Variants in PPP1R13B observed in about 807,000 individuals in gnomAD.
The protein encoded by PPP1R13B is apoptosis-stimulating of p53 protein 1.
PPP1R13B carries 44 observed loss-of-function variants against 119.8 expected under a neutral mutation model. That is an observed-to-expected ratio of 0.37 (90% CI 0.29 to 0.47). PPP1R13B has a LOEUF of 0.47. PPP1R13B is among the 20% of genes least tolerant of loss of function. The probability of loss-of-function intolerance (pLI) is 0.99; values close to 1 mark genes in which losing one functional copy is unlikely to be tolerated. For synonymous variants in PPP1R13B, 542 were observed against 561.5 expected (o/e 0.97, Z 0.49); for missense variants, 1,227 against 1,413.5 (o/e 0.87, Z 2.12).
intron 1 of PPP1R13B, 21 bp from the exon 2 acceptor site, chr14:103,797,539 G>A (rs1164810392): frequency 1.3e-6 from 2 of 1,597,432 alleles, no homozygotes; most frequent in South Asian, 2.2e-5. Flanking sequence ...AAAGAGTAAA[G>A]CTGTAATTTA....
chr14:103,814,754 G>A (rs1359143891), intron 1 of PPP1R13B, among the ~76,000 whole-genome samples: 1 of 152,066 alleles, frequency 6.6e-6, no homozygotes, highest in East Asian at 1.9e-4. Flanking sequence ...GACCATCCTG[G>A]CTAACACAGT....
intron 4 of PPP1R13B, among the ~76,000 whole-genome samples, chr14:103,775,024 A>C (rs1205455599): frequency 6.6e-6 from 1 of 152,168 alleles, no homozygotes; most frequent in Admixed American, 6.6e-5. Flanking sequence ...TGATCTTGAA[A>C]TATACACATT....
intron 4 of PPP1R13B, among the ~76,000 whole-genome samples, chr14:103,777,221 G>A (rs911905352): frequency 3.9e-5 from 6 of 152,064 alleles, no homozygotes; most frequent in African/African-American, 1.4e-4. Flanking sequence ...TCGAACTCCT[G>A]ACCTCAGGTG....
At chr14:103,804,299 C>A (rs2085968780) in intron 1 of PPP1R13B, among the ~76,000 whole-genome samples, 2 of 152,146 alleles carry the variant, frequency 1.3e-5, no homozygotes, top group Non-Finnish European at 2.9e-5. Flanking sequence ...CAACTGAAAT[C>A]AAATAATCAC....
chr14:103,740,471 GCT>G lies in PPP1R13B; in HGVS notation c.1943_1944del (p.Glu648AlafsTer2), dbSNP rs1429386157. On this transcript the variant is annotated frameshift_variant, in exon 12 of 17. Transcript: ENST00000202556. LOFTEE classifies it high-confidence loss of function. This position sits in a 1 kb window ranked among gnomAD's most constrained non-coding sequence, Gnocchi z 4.6. ...GGGGCGGCGGGGCCATCCTGCTCAG[GCT>G]CTTTCTCAGTACTTTCTGAAGGTGG... ...PQPPSESTEK[E>X]PEQDGPAAPA... 6.2e-7 allele frequency: 1 copy of G among 1,609,782 alleles called. No individual in the cohort carries two copies. The highest frequency in any genetic ancestry group is 1.7e-5 in the Admixed American group (1 of 59,736).
chr14:103,820,835 C>G (rs1049690520), intron 1 of PPP1R13B, among the ~76,000 whole-genome samples: 6 of 151,916 alleles, frequency 3.9e-5, no homozygotes, highest in Non-Finnish European at 8.8e-5. Context: ...TTAGAAGCTG[C>G]AAACTTAAAA....
chr14:103,843,127 T>C (rs1315831476), intron 1 of PPP1R13B, among the ~76,000 whole-genome samples: 1 of 151,994 alleles, frequency 6.6e-6, no homozygotes, highest in Admixed American at 6.6e-5. Context: ...ATCCCAGCAC[T>C]TTGGGAAGTT....
At chr14:103,835,001 T>C (rs2086741615) in intron 1 of PPP1R13B, among the ~76,000 whole-genome samples, 1 of 152,254 alleles carries the variant, frequency 6.6e-6, no homozygotes, top group African/African-American at 2.4e-5. Context: ...ACAAGCATTC[T>C]GCTTCAGAGT....
chr14:103,830,496 C>T (rs2086643104), intron 1 of PPP1R13B, among the ~76,000 whole-genome samples: 1 of 152,102 alleles, frequency 6.6e-6, no homozygotes, highest in South Asian at 2.1e-4. Flanking sequence ...GAAACTGAGA[C>T]GCAGAGAAAT....
At chr14:103,760,782 A>T (rs2084785844) in intron 4 of PPP1R13B, among the ~76,000 whole-genome samples, 1 of 152,146 alleles carries the variant, frequency 6.6e-6, no homozygotes, top group African/African-American at 2.4e-5. Flanking sequence ...ACCCCGCCTC[A>T]GGTCTAGCTA....
Position 103,738,499 on chromosome 14 carries a change from G to T in PPP1R13B, c.2864+180C>A. On this transcript the variant is annotated intron_variant, in intron 14 of 16. Coordinates refer to ENST00000202556, the MANE Select transcript of PPP1R13B (RefSeq NM_015316.3). The surrounding 1 kb of genome is among the most constrained non-coding windows in gnomAD (Gnocchi z 5.6). ...CACGTTTTTAACAAAATCATCAAGA[G>T]AAAAGGCTGGAAAAAAAGGCAAGGA... The T allele has an allele frequency of 1.1e-6, 1 of 942,552 alleles. No homozygotes were observed. Among genetic ancestry groups the T allele is most frequent in the Non-Finnish European group, 1.6e-6 (1 of 642,572 alleles). 58.4% of individuals were successfully genotyped at this position (942,552 alleles called of 1,614,324 possible).
Position 103,742,987 on chromosome 14 carries a change from C to T in PPP1R13B, c.1151-164G>A. 2 of 729,714 alleles carry T rather than the reference C, an allele frequency of 2.7e-6. No individual in the cohort carries two copies. Among genetic ancestry groups the T allele is most frequent in the Non-Finnish European group, 4.5e-6 (2 of 448,160 alleles). The allele number at this position is 729,714 out of a possible 1,614,324, so 45.2% of individuals were successfully genotyped here. A position where few individuals can be genotyped will look rare whatever the true frequency, so the allele number is the denominator to read the frequency against. On this transcript the variant is annotated intron_variant, in intron 9 of 16. Coordinates refer to ENST00000202556, the MANE Select transcript of PPP1R13B (RefSeq NM_015316.3). The surrounding 1 kb of genome is among the most constrained non-coding windows in gnomAD (Gnocchi z 4.9). ...CAGCCACATGCACAACTGCTGATCT[C>T]CTCCAGCACCCACAGACCCGTGCAC... is the stretch of plus-strand genomic sequence containing the variant.
intron 2 of PPP1R13B, among the ~76,000 whole-genome samples, chr14:103,791,033 G>A (rs940140521): frequency 1.3e-5 from 2 of 152,066 alleles, no homozygotes; most frequent in Non-Finnish European, 2.9e-5. Context: ...GTAATTTACT[G>A]TTCCATTCCT....
rs75410365 is a variant in PPP1R13B, at chr14:103,741,187, A to C, written c.1823-594T>G. The stretch of plus-strand genomic sequence containing the variant: ...AGCCAATGCCCAGGAATGTCTAAGA[A>C]GGCCCTAGCCTAGACCTGACCCGCG... On this transcript the variant is annotated intron_variant, in intron 11 of 16. Coordinates refer to ENST00000202556, the MANE Select transcript of PPP1R13B (RefSeq NM_015316.3). Among the ~76,000 whole-genome samples the C allele has an allele frequency of 1.6e-3, 249 of 152,344 alleles. 5 individuals carry two copies. The East Asian group carries it at 0.039, about 24-fold the overall frequency.
intron 12 of PPP1R13B, chr14:103,739,253 G>C (rs574099526): frequency 1.1e-5 from 6 of 533,898 alleles, no homozygotes; most frequent in Non-Finnish European, 2.0e-5. Flanking sequence ...CCTGGCTCAC[G>C]CACAGAGGGA....
chr14:103,816,081 C>T (rs935165694), intron 1 of PPP1R13B, among the ~76,000 whole-genome samples: 17 of 152,098 alleles, frequency 1.1e-4, no homozygotes, highest in African/African-American at 3.6e-4. Context: ...AAGACTCCAT[C>T]TCAAAACAAA....
rs2085026229 is a variant in PPP1R13B at position 103,769,892 on chromosome 14, C to T, written c.354+8853G>A. 2.6e-5 allele frequency among the ~76,000 whole-genome samples: 4 copies of T among 152,212 alleles called. No individual in the cohort carries two copies. The South Asian group carries it at 8.3e-4, about 32-fold the overall frequency. The stretch of plus-strand genomic sequence containing the variant: ...ATATAAAATGTTCAATAAAATCAAG[C>T]CTCTCTAACATCTCATTAAATTCTG... On this transcript the variant is annotated intron_variant, in intron 4 of 16. Transcript: ENST00000202556.
intron 11 of PPP1R13B, among the ~76,000 whole-genome samples, chr14:103,741,073 G>A (rs972942056): frequency 3.9e-5 from 6 of 152,182 alleles, no homozygotes; most frequent in African/African-American, 1.4e-4. Context: ...CTCCCCACAA[G>A]GGAACACTGC....
At chr14:103,750,432 G>A (rs1567093351) in intron 7 of PPP1R13B, among the ~76,000 whole-genome samples, 2 of 152,240 alleles carry the variant, frequency 1.3e-5, no homozygotes, top group Admixed American at 1.3e-4. Flanking sequence ...ATATCAGAGT[G>A]TACTTCCCAT....
Sources: gnomAD v4.1 joint callset for allele counts (sites outside exome capture counted in the v4.1 genomes callset) on GRCh38, gnomAD v4.1.1 for gene constraint, Gnocchi (gnomAD v3.1) non-coding constraint, MANE v1.5 for transcripts, NCBI Gene and HGNC (gene_info 2026-07-23, HGNC 2026-07-21) for gene names.